STXBP5: variants seen among roughly 807,000 people sequenced by gnomAD.
The protein encoded by STXBP5 is syntaxin-binding protein 5.
A neutral mutation model predicts 152.4 loss-of-function variants in STXBP5; 50 were observed. The observed-to-expected ratio is 0.33, with a 90% CI of 0.26 to 0.42. The LOEUF is 0.42. Ranked by LOEUF, STXBP5 falls within the 10% of genes least tolerant of loss-of-function variation. STXBP5 has a pLI of 1.00. For missense variants in STXBP5, 1,167 were observed against 1,388.6 expected, an observed-to-expected ratio of 0.84 and a Z score of 2.54; for synonymous variants, 492 against 494.7, an observed-to-expected ratio of 0.99 and a Z score of 0.07.
rs763026194 is a variant in STXBP5 at position 147,235,329 on chromosome 6, G to A, written c.328G>A (p.Glu110Lys). 1 of 1,611,514 alleles carries A rather than the reference G, an allele frequency of 6.2e-7. No individual in the cohort carries two copies. The highest frequency in any genetic ancestry group is 8.5e-7 in the Non-Finnish European group (1 of 1,178,448). The change falls in exon 3 of 28, where the codon GAG (glutamate) becomes AAG (lysine). Residue 110 changes from glutamate to lysine, a missense_variant and splice_region_variant. By Grantham distance (56) the Glu-to-Lys change is moderately conservative. This residue lies in a region of STXBP5 where 310 missense variants were observed against 346.1 expected (regional missense o/e 0.90). Transcript: ENST00000321680. Reference protein sequence around the residue: ...AVIQLQFLINEGALVSALADD... With the variant: ...AVIQLQFLINKGALVSALADD... ...AATCCAGCTCCAGTTCCTGATTAAT[G>A]AGGTTAGTGAATTGTTTTAATCATT... is the stretch of plus-strand genomic sequence containing the variant.
intron 21 of STXBP5, among the ~76,000 whole-genome samples, chr6:147,350,297 T>C (rs1375275826): frequency 6.6e-5 from 10 of 152,108 alleles, no homozygotes; most frequent in African/African-American, 2.4e-4. Context: ...TACTTGAGCT[T>C]ATATAAAAAT....
chr6:147,321,684 C>G (rs1040640628), intron 16 of STXBP5, among the ~76,000 whole-genome samples: 5 of 152,180 alleles, frequency 3.3e-5, no homozygotes, highest in Non-Finnish European at 5.9e-5. Context: ...CTTGCTCAAA[C>G]AATCATTTTG....
chr6:147,205,006 G>A (rs1562405677), intron 1 of STXBP5, among the ~76,000 whole-genome samples: 2 of 152,040 alleles, frequency 1.3e-5, no homozygotes, highest in Non-Finnish European at 1.5e-5. Flanking sequence ...ATATTCAAGC[G>A]TTTTAATATG....
intron 16 of STXBP5, among the ~76,000 whole-genome samples, chr6:147,318,930 A>C (rs1269244178): frequency 6.6e-6 from 1 of 152,126 alleles, no homozygotes; most frequent in Non-Finnish European, 1.5e-5. Flanking sequence ...TAATCAACTT[A>C]ACGTGATTTT....
intron 2 of STXBP5, among the ~76,000 whole-genome samples, chr6:147,219,492 T>C (rs1238847578): frequency 6.6e-6 from 1 of 152,200 alleles, no homozygotes; most frequent in Non-Finnish European, 1.5e-5. Flanking sequence ...AAACTTGTTA[T>C]AATTCACCAG....
At chr6:147,233,751 G>A (rs1396059603) in intron 2 of STXBP5, among the ~76,000 whole-genome samples, 1 of 151,412 alleles carries the variant, frequency 6.6e-6, no homozygotes, top group African/African-American at 2.4e-5. Flanking sequence ...GGTGTGATTT[G>A]CACATTGCCA....
chr6:147,239,358 A>G (rs1778428433), intron 4 of STXBP5, 88 bp downstream of exon 4: 1 of 1,079,424 alleles, frequency 9.3e-7, no homozygotes, highest in Non-Finnish European at 1.4e-6. Flanking sequence ...TGTGTGATGG[A>G]CCTTATGCAC....
intron 2 of STXBP5, among the ~76,000 whole-genome samples, chr6:147,226,683 G>A (rs940717597): frequency 6.6e-6 from 1 of 152,124 alleles, no homozygotes; most frequent in Non-Finnish European, 1.5e-5. Context: ...AATTGAAAAG[G>A]TTTTTTTCCA....
chr6:147,382,469 T>C (rs1226619882), intron 26 of STXBP5, among the ~76,000 whole-genome samples: 5 of 152,182 alleles, frequency 3.3e-5, no homozygotes, highest in African/African-American at 9.6e-5. Context: ...TTTGCCATTA[T>C]GTAATTGGTA....
intron 4 of STXBP5, among the ~76,000 whole-genome samples, chr6:147,241,217 C>G (rs1167318788): frequency 6.6e-6 from 1 of 152,168 alleles, no homozygotes; most frequent in Non-Finnish European, 1.5e-5. Context: ...TCTCCCCATT[C>G]ATGGTGTTCT....
intron 9 of STXBP5, among the ~76,000 whole-genome samples, chr6:147,304,374 A>G (rs1193801326): frequency 6.6e-6 from 1 of 152,174 alleles, no homozygotes; most frequent in African/African-American, 2.4e-5. Flanking sequence ...TCAAAAGTCG[A>G]GAATTGAGGT....
At chr6:147,221,069 T>A (rs1221686281) in intron 2 of STXBP5, among the ~76,000 whole-genome samples, 1 of 152,132 alleles carries the variant, frequency 6.6e-6, no homozygotes, top group African/African-American at 2.4e-5. Flanking sequence ...TTTATTTTTT[T>A]AAATAGTTGC....
At chr6:147,352,156 C>G (rs902417613) in intron 21 of STXBP5, among the ~76,000 whole-genome samples, 12 of 152,094 alleles carry the variant, frequency 7.9e-5, no homozygotes, top group African/African-American at 2.7e-4. Flanking sequence ...AGAAAAATGA[C>G]TGTGGTTTGC....
intron 22 of STXBP5, among the ~76,000 whole-genome samples, chr6:147,355,071 G>A (rs992871868): frequency 1.3e-5 from 2 of 152,186 alleles, no homozygotes; most frequent in Non-Finnish European, 2.9e-5. Context: ...TGCTTATGGG[G>A]AAATTGTGCA....
intron 9 of STXBP5, among the ~76,000 whole-genome samples, chr6:147,302,015 T>A (rs1781844395): frequency 6.6e-6 from 1 of 152,204 alleles, no homozygotes; most frequent in Non-Finnish European, 1.5e-5. Flanking sequence ...TTAGAACACC[T>A]CTTTTAGTAG....
intron 8 of STXBP5, among the ~76,000 whole-genome samples, chr6:147,281,302 C>T (rs1006937718): frequency 3.3e-5 from 5 of 152,198 alleles, no homozygotes; most frequent in Admixed American, 6.5e-5. Flanking sequence ...AGGTGATCCA[C>T]CCGCCTCAGC....
In STXBP5 at chr6:147,363,420, C is replaced by G. The variant is rs1785153945; in HGVS notation, c.2631C>G (p.Pro877=). 1 of 1,614,094 alleles carries G rather than the reference C, an allele frequency of 6.2e-7. No homozygotes were observed. Among genetic ancestry groups the G allele is most frequent in the South Asian group, 1.1e-5 (1 of 91,084 alleles). Residue 877 remains proline, a synonymous_variant, in exon 24 of 28, where the codon CCC becomes CCG. Transcript: ENST00000321680. ...GCTTAATACCACCTGCGTATGAACC[C>G]TGGAGAGAGCACAATGTTCCTGAAG... The part of the protein sequence containing the change: ...TGCLIPPAYE[P]WREHNVPEEK...
intron 4 of STXBP5, among the ~76,000 whole-genome samples, chr6:147,240,030 C>T (rs978697185): frequency 6.6e-6 from 1 of 151,840 alleles, no homozygotes; most frequent in Non-Finnish European, 1.5e-5. Flanking sequence ...GCAACCTCTG[C>T]CCCCCAGGTT....
intron 9 of STXBP5, among the ~76,000 whole-genome samples, chr6:147,299,542 A>G (rs1781700180): frequency 6.6e-6 from 1 of 151,998 alleles, no homozygotes; most frequent in South Asian, 2.1e-4. Flanking sequence ...CTAATTCCTG[A>G]AACTATTCTA....
Sources: gnomAD v4.1 joint callset for allele counts (sites outside exome capture counted in the v4.1 genomes callset) on GRCh38, gnomAD v4.1.1 for gene constraint, gnomAD v4.1.1 regional missense constraint, MANE v1.5 for transcripts, NCBI Gene and HGNC (gene_info 2026-07-23, HGNC 2026-07-21) for gene names.